The following USP32 variants were observed in gnomAD, a reference collection of about 807,000 sequenced individuals.
The protein encoded by USP32 is ubiquitin specific peptidase 32, also known as ubiquitin carboxyl-terminal hydrolase 32.
A neutral mutation model predicts 204.8 loss-of-function variants in USP32; 59 were observed. The ratio of observed to expected loss-of-function variants is 0.29; its 90% CI spans 0.23 to 0.36. The LOEUF is 0.36. Among genes scored for constraint, USP32 ranks in the 10% least tolerant of loss-of-function variants. USP32 has a pLI of 1.00. For synonymous variants in USP32, 517 were observed against 678.4 expected (o/e 0.76, Z 3.70); for missense variants, 1,160 against 1,946.4 (o/e 0.60, Z 7.60).
intron 2 of USP32, among the ~76,000 whole-genome samples, chr17:60,311,844 C>T (rs571113391): frequency 6.6e-6 from 1 of 151,980 alleles, no homozygotes; most frequent in Admixed American, 6.6e-5. Context: ...CAAAAAAAAA[C>T]GGTAGATATG....
At chr17:60,411,566 G>C (rs867093718) in intron 1 of USP32, among the ~76,000 whole-genome samples, 8 of 148,186 alleles carry the variant, frequency 5.4e-5, no homozygotes, top group African/African-American at 2.0e-4. Context: ...TAGAGAGAGA[G>C]GTCTCACTAT....
chr17:60,384,928 C>G lies in USP32; in HGVS notation c.58+6954G>C, dbSNP rs1484082119. On this transcript the variant is annotated intron_variant, in intron 1 of 33. Transcript: ENST00000300896. ...TTCAACACCAGCCTGGACAACACGG[C>G]GAAACCCCATCTCTACTACAAAATA... 4.6e-5 allele frequency among the ~76,000 whole-genome samples: 7 copies of G among 152,036 alleles called. 1 individual carries two copies. The highest frequency in any genetic ancestry group is 8.8e-5 in the Non-Finnish European group (6 of 67,996).
intron 27 of USP32, among the ~76,000 whole-genome samples, chr17:60,195,941 A>C (rs1053356317): frequency 6.6e-6 from 1 of 152,106 alleles, no homozygotes; most frequent in Non-Finnish European, 1.5e-5. Flanking sequence ...TCTTCCATTA[A>C]ATGGTACCAC....
intron 5 of USP32, among the ~76,000 whole-genome samples, chr17:60,288,110 T>C (rs1163230601): frequency 2.0e-4 from 19 of 96,306 alleles, no homozygotes; most frequent in African/African-American, 7.8e-4. Context: ...GGAGACTTCG[T>C]CTCAAAAAAA....
At chr17:60,226,444 T>C (rs963428921) in intron 12 of USP32, among the ~76,000 whole-genome samples, 2 of 152,202 alleles carry the variant, frequency 1.3e-5, no homozygotes, top group Non-Finnish European at 2.9e-5. Flanking sequence ...CAAAACAGAC[T>C]GTGAAGGATT....
chr17:60,206,402 G>A (rs897121371), intron 25 of USP32, among the ~76,000 whole-genome samples: 2 of 149,664 alleles, frequency 1.3e-5, no homozygotes, highest in African/African-American at 5.1e-5. Flanking sequence ...AACAGTCCAC[G>A]TGACTGGTGG....
rs145292019 is a variant in USP32, at chr17:60,239,688, C to T, written c.1137-3448G>A. ...TTTTTATACTTTCTCTTTATTGATA[C>T]TCTATTTGTACATATATCATTCTCT... On this transcript the variant is annotated intron_variant, in intron 11 of 33. Coordinates refer to ENST00000300896, the MANE Select transcript of USP32 (RefSeq NM_032582.4). 3.6e-3 allele frequency among the ~76,000 whole-genome samples: 546 copies of T among 152,164 alleles called. 5 individuals carry two copies. The highest frequency in any genetic ancestry group is 0.013 in the African/African-American group (529 of 41,520).
At chr17:60,265,616 T>A in intron 8 of USP32, 142 bp from the exon 9 acceptor site, 1 of 623,258 alleles carries the variant, frequency 1.6e-6, no homozygotes, top group Non-Finnish European at 2.7e-6. Flanking sequence ...CAGGATTATC[T>A]CAAACTCCTG....
At chr17:60,398,228 TCTC>T (rs2089912246) in intron 1 of USP32, among the ~76,000 whole-genome samples, 1 of 151,896 alleles carries the variant, frequency 6.6e-6, no homozygotes, top group African/African-American at 2.4e-5. Flanking sequence ...TTACTAGCCA[TCTC>T]AAAAAATCTT....
At chr17:60,336,547 C>G (rs1186623256) in intron 2 of USP32, among the ~76,000 whole-genome samples, 1 of 140,378 alleles carries the variant, frequency 7.1e-6, no homozygotes, top group Non-Finnish European at 1.5e-5. Context: ...AACCCCGTCT[C>G]TACTAAAAAT....
rs147498263 is a variant in USP32 at position 60,220,800 on chromosome 17, C to T, written c.1750-1013G>A. 2.3e-3 allele frequency among the ~76,000 whole-genome samples: 356 copies of T among 152,218 alleles called. 2 individuals carry two copies. Among genetic ancestry groups the T allele is most frequent in the African/African-American group, 8.3e-3 (346 of 41,530 alleles). ...CTGGGAATACAGGAGCCCGCCACCA[C>T]GCCTGGCTAATTTTGTTTTTGTATT... On this transcript the variant is annotated intron_variant, in intron 15 of 33. Coordinates refer to ENST00000300896, the MANE Select transcript of USP32 (RefSeq NM_032582.4).
intron 5 of USP32, among the ~76,000 whole-genome samples, chr17:60,279,915 G>A (rs1199573806): frequency 6.6e-6 from 1 of 151,044 alleles, no homozygotes; most frequent in Non-Finnish European, 1.5e-5. Context: ...AAATACAATG[G>A]TATTGATTAA....
intron 1 of USP32, among the ~76,000 whole-genome samples, chr17:60,362,667 T>C (rs111445359): frequency 1.3e-5 from 2 of 152,240 alleles, no homozygotes; most frequent in East Asian, 1.9e-4. Flanking sequence ...ATTTAACATA[T>C]GTTGATGACA....
chr17:60,194,943 T>C (rs1222522759), intron 27 of USP32, among the ~76,000 whole-genome samples: 1 of 152,202 alleles, frequency 6.6e-6, no homozygotes, highest in Non-Finnish European at 1.5e-5. Context: ...TTTTGTCCAT[T>C]TAATCTAAAA....
chr17:60,340,840 C>T (rs1244865953), intron 2 of USP32, among the ~76,000 whole-genome samples: 1 of 152,110 alleles, frequency 6.6e-6, no homozygotes, highest in African/African-American at 2.4e-5. Context: ...GTGCTTCTGT[C>T]AGGAGCTCTT....
chr17:60,342,605 T>C (rs2088686966), intron 2 of USP32, among the ~76,000 whole-genome samples: 1 of 152,178 alleles, frequency 6.6e-6, no homozygotes, highest in Admixed American at 6.5e-5. Flanking sequence ...CCTGGCAGCT[T>C]TGTTTACCTA....
At chr17:60,217,773 T>C (rs1197992918) in intron 16 of USP32, among the ~76,000 whole-genome samples, 1 of 152,112 alleles carries the variant, frequency 6.6e-6, no homozygotes, top group African/African-American at 2.4e-5. Context: ...GCTCTTGCTC[T>C]GTTACCCAGG....
chr17:60,218,131 G>T (rs988509639), intron 16 of USP32, among the ~76,000 whole-genome samples: 1 of 152,136 alleles, frequency 6.6e-6, no homozygotes, highest in Non-Finnish European at 1.5e-5. Context: ...ACTACTGAAA[G>T]AATTCTTACC....
At chr17:60,256,928 C>G in intron 9 of USP32, 1 of 368,680 alleles carries the variant, frequency 2.7e-6, no homozygotes, top group Non-Finnish European at 5.1e-6. Context: ...TGACCAACAA[C>G]GTGATTTCAT....
Sources: allele counts gnomAD v4.1 joint callset (sites outside exome capture counted in the v4.1 genomes callset), GRCh38; gene constraint gnomAD v4.1.1; transcripts MANE v1.5; gene names NCBI Gene and HGNC (gene_info 2026-07-23, HGNC 2026-07-21).